The following ZNF609 variants were observed in gnomAD, a reference collection of about 807,000 sequenced individuals.
The protein encoded by ZNF609 is zinc finger protein 609.
In ZNF609, 11 loss-of-function variants were observed where a neutral mutation model predicts 109.5. The observed-to-expected ratio is 0.10, with a 90% CI of 0.06 to 0.17. The LOEUF (loss-of-function observed/expected upper bound fraction) is 0.17. Ranked by LOEUF, ZNF609 falls within the 10% of genes least tolerant of loss-of-function variation. The pLI, the probability that ZNF609 is intolerant of heterozygous loss-of-function variation, is 1.00. For synonymous variants in ZNF609, 646 were observed against 662.0 expected, an observed-to-expected ratio of 0.98 and a Z score of 0.37; for missense variants, 1,559 against 1,772.4, an observed-to-expected ratio of 0.88 and a Z score of 2.16.
intron 2 of ZNF609, among the ~76,000 whole-genome samples, chr15:64,576,174 C>A (rs1894949787): frequency 1.3e-5 from 2 of 152,012 alleles, no homozygotes; most frequent in South Asian, 4.2e-4. Flanking sequence ...GGATTAGGCA[C>A]CTTGAGAAAC....
chr15:64,630,996 G>A (rs1896064951), intron 3 of ZNF609: 1 of 249,004 alleles, frequency 4.0e-6, no homozygotes, highest in South Asian at 5.8e-5. Context: ...AATGAATTAG[G>A]ACACAATTAA....
At chr15:64,663,461 A>C (rs1896607671) in intron 3 of ZNF609, among the ~76,000 whole-genome samples, 1 of 152,176 alleles carries the variant, frequency 6.6e-6, no homozygotes, top group Non-Finnish European at 1.5e-5. Flanking sequence ...TCAGGAGCTC[A>C]GTTTGGAACA....
intron 2 of ZNF609, among the ~76,000 whole-genome samples, chr15:64,520,697 G>A (rs1893879256): frequency 6.6e-6 from 1 of 152,018 alleles, no homozygotes; most frequent in African/African-American, 2.4e-5. Flanking sequence ...GGGAGAAAAG[G>A]GTTCACAATA....
At chr15:64,506,392 G>T (rs1055969502) in intron 2 of ZNF609, among the ~76,000 whole-genome samples, 3 of 150,462 alleles carry the variant, frequency 2.0e-5, no homozygotes, top group Admixed American at 1.3e-4. Context: ...CAAAGTGCTG[G>T]GATTACAGGC....
At chr15:64,568,528 G>A (rs1894813632) in intron 2 of ZNF609, among the ~76,000 whole-genome samples, 1 of 152,130 alleles carries the variant, frequency 6.6e-6, no homozygotes, top group South Asian at 2.1e-4. Flanking sequence ...CTGATATTCT[G>A]ATGATTTCCA....
chr15:64,548,819 G>T (rs986859508), intron 2 of ZNF609, among the ~76,000 whole-genome samples: 1 of 152,108 alleles, frequency 6.6e-6, no homozygotes. Context: ...GAAATTCTTA[G>T]AGAGTTATTT....
chr15:64,622,859 G>T lies in ZNF609; in HGVS notation c.780G>T (p.Leu260=). Residue 260 remains leucine, a synonymous_variant, in exon 3 of 10, where the codon CTG becomes CTT. Coordinates refer to ENST00000326648, the MANE Select transcript of ZNF609 (RefSeq NM_015042.2). ...CCCCTGTTTCCACACCAGCAGTGCT[G>T]CCAATACACCTTTTGGTGCCAGTGG... ...MESPVSTPAV[L]PIHLLVPVVN... 1 of 1,614,240 alleles carries T rather than the reference G, an allele frequency of 6.2e-7. No individual in the cohort carries two copies. Among genetic ancestry groups the T allele is most frequent in the South Asian group, 1.1e-5 (1 of 91,076 alleles).
chr15:64,600,449 CAAA>C (rs60948226), intron 2 of ZNF609, among the ~76,000 whole-genome samples: 12 of 53,814 alleles, frequency 2.2e-4, no homozygotes, highest in African/African-American at 7.2e-4. Flanking sequence ...GGCTGTGTCT[CAAA>C]AAAAAAAAAA....
intron 2 of ZNF609, chr15:64,528,975 GA>G: frequency 6.7e-7 from 1 of 1,492,698 alleles, no homozygotes. Context: ...TGGGGACATG[GA>G]AGGCCATGCC....
intron 2 of ZNF609, among the ~76,000 whole-genome samples, chr15:64,520,625 TA>T (rs1427839051): frequency 1.2e-4 from 19 of 152,188 alleles, no homozygotes; most frequent in Admixed American, 7.9e-4. Context: ...TTTTGGCTAA[TA>T]TTTTTTTTCC....
chr15:64,680,946 G>T (rs1444343132), intron 8 of ZNF609, 84 bp downstream of exon 8: 3 of 1,484,226 alleles, frequency 2.0e-6, no homozygotes, highest in Non-Finnish European at 2.7e-6. Flanking sequence ...CCACAGCTAG[G>T]ACCCTCCTAC....
intron 2 of ZNF609, among the ~76,000 whole-genome samples, chr15:64,569,097 A>G (rs181002918): frequency 6.6e-6 from 1 of 152,324 alleles, no homozygotes; most frequent in African/African-American, 2.4e-5. Context: ...CCTCTGGGAT[A>G]CAAATGGGCC....
intron 1 of ZNF609, among the ~76,000 whole-genome samples, chr15:64,477,688 G>T (rs1467565220): frequency 6.6e-6 from 1 of 151,364 alleles, no homozygotes; most frequent in African/African-American, 2.4e-5. Flanking sequence ...GAGTGCAGTG[G>T]CGCGATCTCA....
chr15:64,517,036 G>A (rs1308862976), intron 2 of ZNF609, among the ~76,000 whole-genome samples: 1 of 152,050 alleles, frequency 6.6e-6, no homozygotes, highest in Non-Finnish European at 1.5e-5. Flanking sequence ...ATTTAATTGC[G>A]AGTTTTAAGC....
intron 3 of ZNF609, among the ~76,000 whole-genome samples, chr15:64,664,014 A>C (rs2141006680): frequency 6.6e-6 from 1 of 152,264 alleles, no homozygotes; most frequent in South Asian, 2.1e-4. Flanking sequence ...GGATCACCTG[A>C]GGCAGGACTT....
intron 3 of ZNF609, among the ~76,000 whole-genome samples, chr15:64,655,967 C>A (rs1425209634): frequency 6.6e-6 from 1 of 152,188 alleles, no homozygotes; most frequent in Non-Finnish European, 1.5e-5. Flanking sequence ...AAAACAACAA[C>A]TTTACCAGAT....
At chr15:64,484,545 G>A (rs1352719194) in intron 1 of ZNF609, among the ~76,000 whole-genome samples, 2 of 151,502 alleles carry the variant, frequency 1.3e-5, no homozygotes, top group African/African-American at 2.4e-5. Context: ...GCGTGGTGGC[G>A]CGTGCCTGTA....
At chr15:64,604,024 T>C (rs1202044796) in intron 2 of ZNF609, among the ~76,000 whole-genome samples, 7 of 147,438 alleles carry the variant, frequency 4.7e-5, no homozygotes, top group Non-Finnish European at 9.0e-5. Flanking sequence ...AAAAAAAGAT[T>C]AGGCTGAAAT....
chr15:64,482,702 A>G (rs893439360), intron 1 of ZNF609, among the ~76,000 whole-genome samples: 1 of 152,218 alleles, frequency 6.6e-6, no homozygotes, highest in Non-Finnish European at 1.5e-5. Flanking sequence ...GGGTTAGTTT[A>G]CATAAGGAAA....
Sources: gnomAD v4.1 joint callset for allele counts (sites outside exome capture counted in the v4.1 genomes callset) on GRCh38, gnomAD v4.1.1 for gene constraint, MANE v1.5 for transcripts, NCBI Gene and HGNC (gene_info 2026-07-23, HGNC 2026-07-21) for gene names.